TSPAN5: variants seen among roughly 807,000 people sequenced by gnomAD.
TSPAN5 encodes the protein tetraspanin-5.
Under a neutral mutation model 37.1 loss-of-function variants are expected in TSPAN5, and 10 were observed. The ratio of observed to expected loss-of-function variants is 0.27; its 90% confidence interval spans 0.17 to 0.46. TSPAN5 has a LOEUF of 0.46. Among genes scored for constraint, TSPAN5 ranks in the 20% least tolerant of loss-of-function variants. The pLI, the probability that TSPAN5 is intolerant of heterozygous loss-of-function variation, is 1.00. For synonymous variants in TSPAN5, 110 were observed against 118.9 expected, an observed-to-expected ratio of 0.93 and a Z score of 0.48; for missense variants, 195 against 326.6, an observed-to-expected ratio of 0.60 and a Z score of 3.11.
chr4:98,625,841 G>GA (rs11330260), intron 1 of TSPAN5, among the ~76,000 whole-genome samples: 25,868 of 148,794 alleles, frequency 0.17, 2,450 homozygotes, highest in Admixed American at 0.24. Flanking sequence ...TCTTCTCTTG[G>GA]AAAAAAAAAA....
chr4:98,523,399 A>T (rs1753896674), intron 1 of TSPAN5, among the ~76,000 whole-genome samples: 1 of 152,242 alleles, frequency 6.6e-6, no homozygotes, highest in Non-Finnish European at 1.5e-5. Flanking sequence ...TGATTTACTA[A>T]TTCAGATGAA....
intron 1 of TSPAN5, among the ~76,000 whole-genome samples, chr4:98,601,306 T>A (rs565575531): frequency 2.0e-5 from 3 of 152,366 alleles, no homozygotes. Context: ...CCTCTCTAGC[T>A]ATGAAAGTCT....
chr4:98,569,993 T>C (rs1028904370), intron 1 of TSPAN5, among the ~76,000 whole-genome samples: 5 of 152,190 alleles, frequency 3.3e-5, no homozygotes, highest in Admixed American at 1.3e-4. Flanking sequence ...ATAGTAAATA[T>C]AGTAGGTTCT....
chr4:98,501,618 G>A (rs781708198), intron 2 of TSPAN5, among the ~76,000 whole-genome samples: 1 of 152,226 alleles, frequency 6.6e-6, no homozygotes, highest in African/African-American at 2.4e-5. Context: ...TTCTGGGGAA[G>A]AGCATGCCAG....
intron 1 of TSPAN5, among the ~76,000 whole-genome samples, chr4:98,551,474 T>A (rs1430042735): frequency 7.2e-6 from 1 of 139,580 alleles, no homozygotes; most frequent in Admixed American, 8.0e-5. Flanking sequence ...CTTTGTATGG[T>A]TTTTTCCTTT....
chr4:98,505,687 T>C (rs1302268179), intron 2 of TSPAN5, among the ~76,000 whole-genome samples: 1 of 152,232 alleles, frequency 6.6e-6, no homozygotes, highest in Non-Finnish European at 1.5e-5. Flanking sequence ...GCAAGCTCCA[T>C]GAGGCATGGA....
intron 2 of TSPAN5, among the ~76,000 whole-genome samples, chr4:98,504,159 T>C (rs958282752): frequency 2.0e-5 from 3 of 152,166 alleles, no homozygotes; most frequent in Non-Finnish European, 4.4e-5. Context: ...GCTAAGAAAA[T>C]GTGTTTCTTC....
rs1016135453 is a variant in TSPAN5, at chr4:98,584,955, C to T, written c.81+73191G>A. On this transcript the variant is annotated intron_variant, in intron 1 of 7. Coordinates refer to ENST00000305798, the MANE Select transcript of TSPAN5 (RefSeq NM_005723.4). The stretch of plus-strand genomic sequence containing the variant: ...AGGATACACTGTGTCCTCCTTCCAC[C>T]GCTTCCCAAGTAAGCTGGCTGGTGG... Among the ~76,000 whole-genome samples, 5 of 152,244 alleles carry T rather than the reference C, an allele frequency of 3.3e-5. No individual in the cohort carries two copies. In the East Asian group the frequency reaches 5.8e-4, roughly 18 times the overall value.
chr4:98,518,452 G>A (rs916593058), intron 1 of TSPAN5, among the ~76,000 whole-genome samples: 1 of 152,184 alleles, frequency 6.6e-6, no homozygotes, highest in African/African-American at 2.4e-5. Flanking sequence ...CTCAATTACA[G>A]AAATGGAGCA....
chr4:98,499,967 A>G (rs779730638), intron 2 of TSPAN5, among the ~76,000 whole-genome samples: 5 of 151,992 alleles, frequency 3.3e-5, no homozygotes, highest in Non-Finnish European at 7.4e-5. Flanking sequence ...GCCGGTTTCC[A>G]GCTCTTTAGA....
At chr4:98,537,457 C>A (rs1173059210) in intron 1 of TSPAN5, among the ~76,000 whole-genome samples, 2 of 152,170 alleles carry the variant, frequency 1.3e-5, no homozygotes, top group Admixed American at 6.5e-5. Flanking sequence ...CAGCCAGAAG[C>A]CACTTTTCTA....
At position 98,513,031 on chromosome 4, in the gene TSPAN5, G is replaced by A. The variant is rs141256601; in HGVS notation, c.82-5303C>T. Among the ~76,000 whole-genome samples, 675 of 152,302 alleles carry A rather than the reference G, an allele frequency of 4.4e-3. 5 individuals are homozygous for A. The highest frequency in any genetic ancestry group is 0.014 in the Middle Eastern group (4 of 294). Reference sequence around the variant, plus strand: ...GAAGGTTTCCCTGAGTGAGAAATGCGTACATGTAGTCCAAAGGATGAGAAG... The same window carrying A: ...GAAGGTTTCCCTGAGTGAGAAATGCATACATGTAGTCCAAAGGATGAGAAG... On this transcript the variant is annotated intron_variant, in intron 1 of 7. Coordinates refer to ENST00000305798, the MANE Select transcript of TSPAN5 (RefSeq NM_005723.4).
At position 98,472,546 on chromosome 4, in the gene TSPAN5, G is replaced by A. The variant is rs780414325; in HGVS notation, c.783C>T (p.Ile261=). 6 of 1,613,870 alleles carry A rather than the reference G, an allele frequency of 3.7e-6. No individual in the cohort carries two copies. Among genetic ancestry groups the A allele is most frequent in the East Asian group, 2.2e-5 (1 of 44,870 alleles). The change falls in exon 8 of 8, where the codon ATC becomes ATT. Residue 261 remains isoleucine (I), a synonymous_variant. Coordinates refer to ENST00000305798, the MANE Select transcript of TSPAN5 (RefSeq NM_005723.4). ...ICLAQNLVSD[I]EAVRASW ...TCTACCAGCTCGCCCTGACAGCTTC[G>A]ATATCGCTAACCAAATTCTGGGCCA...
At position 98,514,238 on chromosome 4, in the gene TSPAN5, C is replaced by T. The variant is rs145945614; in HGVS notation, c.82-6510G>A. On this transcript the variant is annotated intron_variant, in intron 1 of 7. Coordinates refer to ENST00000305798, the MANE Select transcript of TSPAN5 (RefSeq NM_005723.4). ...TAGAAGGGAGGCAAGGGGAGAAGTG[C>T]CATTAGGAAAGTTGTATTTTCCTGA... 5.8e-3 allele frequency among the ~76,000 whole-genome samples: 890 copies of T among 152,176 alleles called. 7 individuals are homozygous for T. Among genetic ancestry groups the T allele is most frequent in the Middle Eastern group, 0.02 (6 of 294 alleles).
intron 1 of TSPAN5, among the ~76,000 whole-genome samples, chr4:98,609,004 C>T (rs754203340): frequency 1.3e-5 from 2 of 152,184 alleles, no homozygotes; most frequent in African/African-American, 2.4e-5. Flanking sequence ...AAAAACCAAA[C>T]TTTACCTCTC....
At chr4:98,492,916 C>G (rs563370546) in intron 2 of TSPAN5, among the ~76,000 whole-genome samples, 2 of 152,120 alleles carry the variant, frequency 1.3e-5, no homozygotes, top group East Asian at 3.9e-4. Context: ...ACCTCAAACA[C>G]GGAAAAAAAT....
chr4:98,617,358 G>C (rs1756364756), intron 1 of TSPAN5, among the ~76,000 whole-genome samples: 1 of 152,096 alleles, frequency 6.6e-6, no homozygotes, highest in Non-Finnish European at 1.5e-5. Context: ...AGGACACCCA[G>C]CTAGTGAGAG....
chr4:98,583,607 GAGAGCACTGTGTGAAGGCA>G (rs1488788846), intron 1 of TSPAN5, among the ~76,000 whole-genome samples: 1 of 152,246 alleles, frequency 6.6e-6, no homozygotes, highest in Non-Finnish European at 1.5e-5. Flanking sequence ...TAAGAGAGGA[GAGAGCACTGTGTGAAGGCA>G]AGAGCTGGTA....
intron 1 of TSPAN5, among the ~76,000 whole-genome samples, chr4:98,622,505 G>A (rs1756502071): frequency 6.6e-6 from 1 of 152,194 alleles, no homozygotes; most frequent in East Asian, 1.9e-4. Context: ...TTTCCACAGT[G>A]GTTGCGCCAT....
Sources: allele counts gnomAD v4.1 joint callset (sites outside exome capture counted in the v4.1 genomes callset), GRCh38; gene constraint gnomAD v4.1.1; transcripts MANE v1.5; gene names NCBI Gene and HGNC (gene_info 2026-07-23, HGNC 2026-07-21).